OMD: variants seen among roughly 807,000 people sequenced by gnomAD.
OMD encodes KSPG osteomodulin.
In OMD, 19 loss-of-function variants were observed where a neutral mutation model predicts 31.2. That is an observed-to-expected ratio of 0.61 (90% CI 0.42 to 0.89). The LOEUF is 0.89. Among genes scored for constraint, OMD ranks in the 40% least tolerant of loss-of-function variants. OMD has a pLI of 0.00. For synonymous variants in OMD, 155 were observed against 166.4 expected (o/e 0.93, Z 0.53); for missense variants, 448 against 490.8 (o/e 0.91, Z 0.82).
At chr9:92,418,192 T>C (rs958709040) in intron 1 of OMD, among the ~76,000 whole-genome samples, 9 of 152,022 alleles carry the variant, frequency 5.9e-5, no homozygotes, top group African/African-American at 2.2e-4. Context: ...GTTCAAGTGA[T>C]TCTCCTGCCT....
Position 92,414,592 on chromosome 9 carries a change from T to C in OMD, c.*560A>G, listed in dbSNP as rs541234584. On this transcript the variant is annotated 3_prime_UTR_variant, in exon 3 of 3. Coordinates refer to ENST00000375550, the MANE Select transcript of OMD (RefSeq NM_005014.3). ...TGGATGGCCTCTTACAAATCAAAAA[T>C]ATCATTCTATGTGCTATGTGGTGAG... The C allele has an allele frequency of 4.8e-6, 1 of 209,122 alleles. No homozygotes were observed. The highest frequency in any genetic ancestry group is 2.3e-5 in the African/African-American group (1 of 44,140). The allele number at this position is 209,122 out of a possible 1,614,324, so 13.0% of individuals were successfully genotyped here.
rs184032866 is a variant in OMD, at chr9:92,413,686, C to A, written c.*1466G>T. ...CCCATATTGTGGCATCATAGTTGCA[C>A]ATTGTACTTTGTTTATTGATCCCTT... On this transcript the variant is annotated 3_prime_UTR_variant, in exon 3 of 3. Transcript: ENST00000375550. 1.3e-5 allele frequency among the ~76,000 whole-genome samples: 2 copies of A among 152,054 alleles called. No individual in the cohort carries two copies. Among genetic ancestry groups the A allele is most frequent in the South Asian group, 4.1e-4 (2 of 4,820 alleles).
chr9:92,415,311 A>G lies in OMD; in HGVS notation c.1107T>C (p.Asn369=). ...TIYYGEQRST[N]GQTIQLKTQV... ...GTGTCTTTAGTTGTATTGTTTGACC[A>G]TTAGTGCTTCGTTGTTCACCATAAT... is the stretch of plus-strand genomic sequence containing the variant. Residue 369 remains asparagine (N), a synonymous_variant, in exon 3 of 3, where the codon AAT becomes AAC. Coordinates refer to ENST00000375550, the MANE Select transcript of OMD (RefSeq NM_005014.3). 1 of 1,613,782 alleles carries G rather than the reference A, an allele frequency of 6.2e-7. No homozygotes were observed. Among genetic ancestry groups the G allele is most frequent in the Non-Finnish European group, 8.5e-7 (1 of 1,179,848 alleles).
At chr9:92,423,729 A>G (rs1471581430) in intron 1 of OMD, among the ~76,000 whole-genome samples, 1 of 152,192 alleles carries the variant, frequency 6.6e-6, no homozygotes, top group African/African-American at 2.4e-5. Context: ...AAAACATTCT[A>G]TATCAGGGAT....
Position 92,417,391 on chromosome 9 carries a change from A to T in OMD, c.168T>A (p.His56Gln), listed in dbSNP as rs1843647436. Reference protein sequence around the residue: ...RQNVDYGVPFHQYTLGCVSEC... With the variant: ...RQNVDYGVPFQQYTLGCVSEC... Reference sequence around the variant, plus strand: ...CACTGACACAGCCTAAAGTATACTGATGAAAAGGAACTCCGTAGTCTACAT... The same window carrying T: ...CACTGACACAGCCTAAAGTATACTGTTGAAAAGGAACTCCGTAGTCTACAT... The change falls in exon 2 of 3, where the codon CAT becomes CAA. Residue 56 changes from histidine (H) to glutamine (Q), a missense_variant. Transcript: ENST00000375550. 1 of 1,614,098 alleles carries T rather than the reference A, an allele frequency of 6.2e-7. No homozygotes were observed. The highest frequency in any genetic ancestry group is 8.5e-7 in the Non-Finnish European group (1 of 1,179,982).
chr9:92,417,654 G>T, intron 1 of OMD, 80 bp from the exon 2 acceptor site: 1 of 773,308 alleles, frequency 1.3e-6, no homozygotes, highest in Non-Finnish European at 2.0e-6. Flanking sequence ...TCAGTTATAT[G>T]AAATGTATTA....
intron 1 of OMD, among the ~76,000 whole-genome samples, chr9:92,421,003 G>C (rs1843775452): frequency 2.0e-5 from 3 of 152,148 alleles, no homozygotes; most frequent in Admixed American, 2.0e-4. Flanking sequence ...GTTAACTCTT[G>C]AAGGAGCAAA....
At chr9:92,418,519 T>C (rs1267397525) in intron 1 of OMD, among the ~76,000 whole-genome samples, 1 of 152,110 alleles carries the variant, frequency 6.6e-6, no homozygotes, top group Non-Finnish European at 1.5e-5. Context: ...AGATCTATGA[T>C]AATAGCATGA....
At chr9:92,416,352 G>T (rs375213331) in intron 2 of OMD, among the ~76,000 whole-genome samples, 5 of 151,702 alleles carry the variant, frequency 3.3e-5, no homozygotes, top group Admixed American at 6.6e-5. Flanking sequence ...CACCCCACCC[G>T]CCTTAGCCTC....
chr9:92,416,555 T>A, intron 2 of OMD, 64 bp downstream of exon 2: 1 of 1,061,048 alleles, frequency 9.4e-7, no homozygotes, highest in South Asian at 1.8e-5. Context: ...ATTGAATATT[T>A]TTTTCTTTAA....
In OMD at chr9:92,414,175, C is replaced by T; in HGVS notation, c.*977G>A. 1 of 174,566 alleles carries T rather than the reference C, an allele frequency of 5.7e-6. No individual in the cohort carries two copies. 10.8% of individuals were successfully genotyped at this position (174,566 alleles called of 1,614,324 possible). ...AAGGTTTTAAAGAAGATGTTAAAAC[C>T]TGTCATTCAAATTATAAAGGAACTG... On this transcript the variant is annotated 3_prime_UTR_variant, in exon 3 of 3. Transcript: ENST00000375550.
chr9:92,420,494 G>C (rs973916235), intron 1 of OMD, among the ~76,000 whole-genome samples: 8 of 152,120 alleles, frequency 5.3e-5, no homozygotes, highest in Non-Finnish European at 1.0e-4. Flanking sequence ...TCTCACTCTC[G>C]ATTCAAGACC....
At chr9:92,416,045 A>G (rs1843588495) in intron 2 of OMD, among the ~76,000 whole-genome samples, 1 of 104,146 alleles carries the variant, frequency 9.6e-6, no homozygotes, top group African/African-American at 3.0e-5. Flanking sequence ...AAATAAATAT[A>G]TTATATATGT....
chr9:92,418,166 A>C (rs1265618235), intron 1 of OMD, among the ~76,000 whole-genome samples: 3 of 150,626 alleles, frequency 2.0e-5, no homozygotes, highest in Non-Finnish European at 4.4e-5. Context: ...GGCTCACTGC[A>C]GCCTCCACCT....
chr9:92,416,783 A>C lies in OMD; in HGVS notation c.776T>G (p.Leu259Arg). Residue 259 changes from leucine to arginine, a missense_variant, in exon 2 of 3, where the codon CTT (leucine) becomes CGT (arginine). Transcript: ENST00000375550. ...PEKYFDKLPK[L>R]HTLRMSHNKL... is the part of the protein sequence containing the mutation. ...GTTGTGTGACATTCTTAGAGTATGA[A>C]GTTTTGGAAGTTTGTCGAAGTATTT... The C allele has an allele frequency of 6.2e-7, 1 of 1,613,856 alleles. No individual in the cohort carries two copies. Among genetic ancestry groups the C allele is most frequent in the Non-Finnish European group, 8.5e-7 (1 of 1,179,844 alleles).
In OMD at chr9:92,420,699, A is replaced by T. The variant is rs531151884; in HGVS notation, c.-16-3125T>A. Reference sequence around the variant, plus strand: ...AGATATCATTTATTTCTATTTTCTTATATGTATCCCTACCTACAAGAAAAT... The same window carrying T: ...AGATATCATTTATTTCTATTTTCTTTTATGTATCCCTACCTACAAGAAAAT... On this transcript the variant is annotated intron_variant, in intron 1 of 2. Transcript: ENST00000375550. Among the ~76,000 whole-genome samples the T allele has an allele frequency of 6.1e-3, 919 of 151,608 alleles. 3 individuals are homozygous for T. The highest frequency in any genetic ancestry group is 8.9e-3 in the Non-Finnish European group (606 of 67,920).
At chr9:92,424,176 A>G (rs1382387850) in intron 1 of OMD, 26 bp downstream of exon 1, 1 of 152,312 alleles carries the variant, frequency 6.6e-6, no homozygotes, top group Admixed American at 6.5e-5. Context: ...ATTCTTAAAA[A>G]ATTGAAAATT....
intron 1 of OMD, among the ~76,000 whole-genome samples, chr9:92,421,446 G>C (rs765883200): frequency 6.6e-6 from 1 of 152,168 alleles, no homozygotes; most frequent in African/African-American, 2.4e-5. Flanking sequence ...GTCAGTGTTC[G>C]TGGGTGAAAA....
intron 1 of OMD, among the ~76,000 whole-genome samples, chr9:92,420,925 C>A (rs1292324272): frequency 6.6e-6 from 1 of 152,108 alleles, no homozygotes; most frequent in East Asian, 1.9e-4. Flanking sequence ...GGAAGAAGAT[C>A]TCTGGCTAGA....
Sources: gnomAD v4.1 joint callset for allele counts (sites outside exome capture counted in the v4.1 genomes callset) on GRCh38, gnomAD v4.1.1 for gene constraint, MANE v1.5 for transcripts, NCBI Gene and HGNC (gene_info 2026-07-23, HGNC 2026-07-21) for gene names.